WWTR1: variants seen among roughly 807,000 people sequenced by gnomAD.
The protein encoded by WWTR1 is WW domain containing transcription regulator 1, also known as WW domain-containing transcription regulator protein 1.
A neutral mutation model predicts 40.1 loss-of-function variants in WWTR1; 13 were observed. That is an observed-to-expected ratio of 0.32 (90% CI 0.21 to 0.52). The LOEUF (loss-of-function observed/expected upper bound fraction) is 0.52. WWTR1 is among the 20% of genes least tolerant of loss of function. WWTR1 has a pLI of 0.97. For synonymous variants in WWTR1, 230 were observed against 210.1 expected (o/e 1.09, Z -0.82); for missense variants, 436 against 523.1 (o/e 0.83, Z 1.63).
At chr3:149,715,933 T>A (rs1715598491) in intron 5 of WWTR1, among the ~76,000 whole-genome samples, 1 of 151,922 alleles carries the variant, frequency 6.6e-6, no homozygotes, top group Admixed American at 6.6e-5. Flanking sequence ...GGGGTGGGGG[T>A]TAACTAGGGA....
chr3:149,701,595 TA>T (rs1482440354), intron 1 of WWTR1: 2 of 178,454 alleles, frequency 1.1e-5, no homozygotes, highest in African/African-American at 4.7e-5. Context: ...CATGATAAAA[TA>T]TTTTTTTCAA....
intron 1 of WWTR1, among the ~76,000 whole-genome samples, chr3:149,689,380 C>CA (rs3044083): frequency 0.21 from 7,651 of 36,820 alleles, 1,408 homozygotes; most frequent in East Asian, 0.29. Context: ...GAACCTATCT[C>CA]AAAAAAAAAA....
intron 3 of WWTR1, among the ~76,000 whole-genome samples, chr3:149,566,709 G>A (rs529445726): frequency 6.6e-6 from 1 of 151,798 alleles, no homozygotes; most frequent in Non-Finnish European, 1.5e-5. Flanking sequence ...TTGATACAAT[G>A]CTAAGCCTCT....
rs1487908241 is a variant in WWTR1, at chr3:149,518,281, G to C, written c.*2524C>G. Reference sequence around the variant, plus strand: ...ATTTTCTGATGCCACAAGCTTACTAGAAAATTACTTCTAAAAATTGGTAAT... The same window carrying C: ...ATTTTCTGATGCCACAAGCTTACTACAAAATTACTTCTAAAAATTGGTAAT... On this transcript the variant is annotated 3_prime_UTR_variant, in exon 7 of 7. Coordinates refer to ENST00000360632, the MANE Select transcript of WWTR1 (RefSeq NM_015472.6). The C allele has an allele frequency of 6.6e-6, 1 of 151,766 alleles. No homozygotes were observed. Among genetic ancestry groups the C allele is most frequent in the East Asian group, 1.9e-4 (1 of 5,180 alleles). The allele number at this position is 151,766 out of a possible 1,614,324, so 9.4% of individuals were successfully genotyped here.
upstream of WWTR1, among the ~76,000 whole-genome samples, chr3:149,703,860 C>T (rs1397182983): frequency 6.6e-6 from 1 of 152,202 alleles, no homozygotes; most frequent in African/African-American, 2.4e-5. Flanking sequence ...TCCTGAGTCC[C>T]CATCAGAAGC....
intron 1 of WWTR1, among the ~76,000 whole-genome samples, chr3:149,689,402 G>T (rs1389242502): frequency 1.4e-5 from 1 of 70,538 alleles, no homozygotes; most frequent in Admixed American, 1.5e-4. Flanking sequence ...AAAAAAAAAA[G>T]CAAAGAAGAC....
At chr3:149,621,700 A>G (rs1318029235) in intron 2 of WWTR1, among the ~76,000 whole-genome samples, 1 of 152,244 alleles carries the variant, frequency 6.6e-6, no homozygotes, top group East Asian at 1.9e-4. Flanking sequence ...GTCTATGCCC[A>G]GTTATATTAC....
intron 2 of WWTR1, among the ~76,000 whole-genome samples, chr3:149,600,917 C>T (rs540811645): frequency 4.6e-5 from 7 of 152,288 alleles, no homozygotes; most frequent in Admixed American, 4.6e-4. Flanking sequence ...TCAACACCAA[C>T]TTGCTAGTCA....
At chr3:149,714,934 G>A (rs1715567406) in intron 5 of WWTR1, among the ~76,000 whole-genome samples, 2 of 152,156 alleles carry the variant, frequency 1.3e-5, no homozygotes, top group African/African-American at 2.4e-5. Context: ...ATGACCAGCT[G>A]CAGAGAGGAG....
At chr3:149,698,269 T>C (rs1715055978) in intron 1 of WWTR1, among the ~76,000 whole-genome samples, 1 of 152,176 alleles carries the variant, frequency 6.6e-6, no homozygotes, top group Admixed American at 6.5e-5. Context: ...CCCCCCATAC[T>C]GTTCTCGTGA....
At chr3:149,550,511 T>C (rs1294713721) in intron 3 of WWTR1, among the ~76,000 whole-genome samples, 1 of 152,196 alleles carries the variant, frequency 6.6e-6, no homozygotes, top group Non-Finnish European at 1.5e-5. Flanking sequence ...ACTCAGTGGA[T>C]GTCTTGGCAG....
chr3:149,628,561 G>A lies in WWTR1; in HGVS notation c.431+28315C>T, dbSNP rs114688351. ...TTCTTGCCCCAGCAGTATCTTTTTC[G>A]GTATCGTGGAGCACATATATCCTTG... On this transcript the variant is annotated intron_variant, in intron 2 of 6. Coordinates refer to ENST00000360632, the MANE Select transcript of WWTR1 (RefSeq NM_015472.6). Among the ~76,000 whole-genome samples, 775 of 152,068 alleles carry A rather than the reference G, an allele frequency of 5.1e-3. 4 individuals carry two copies. Among genetic ancestry groups the A allele is most frequent in the Non-Finnish European group, 5.3e-3 (359 of 67,976 alleles).
At chr3:149,723,792 C>A (rs1180695913) in intron 4 of WWTR1, among the ~76,000 whole-genome samples, 1 of 152,208 alleles carries the variant, frequency 6.6e-6, no homozygotes, top group Non-Finnish European at 1.5e-5. Context: ...TAAAGTGCAA[C>A]AACAAAACCT....
At chr3:149,602,025 T>G (rs1739269300) in intron 2 of WWTR1, among the ~76,000 whole-genome samples, 1 of 152,188 alleles carries the variant, frequency 6.6e-6, no homozygotes, top group South Asian at 2.1e-4. Context: ...TAAACTCCTT[T>G]TGAGCCTGGA....
At chr3:149,688,052 A>G (rs1022323778) in intron 1 of WWTR1, among the ~76,000 whole-genome samples, 1 of 151,812 alleles carries the variant, frequency 6.6e-6, no homozygotes, top group African/African-American at 2.4e-5. Flanking sequence ...GCTTGAGGAA[A>G]GGAGAGGGAA....
At chr3:149,606,859 C>T (rs1739513445) in intron 2 of WWTR1, among the ~76,000 whole-genome samples, 1 of 152,134 alleles carries the variant, frequency 6.6e-6, no homozygotes. Context: ...TTCCAAAGGG[C>T]GGCAAATGTG....
Position 149,617,305 on chromosome 3 carries a change from G to A in WWTR1, c.431+39571C>T, listed in dbSNP as rs16862044. On this transcript the variant is annotated intron_variant, in intron 2 of 6. Transcript: ENST00000360632. ...ATTGGATTGGAGCAGTGTGCAATCCGTCTTCTCTTTCCTTCTGTCCCCATC... is the reference window on the plus strand; with the variant it reads ...ATTGGATTGGAGCAGTGTGCAATCCATCTTCTCTTTCCTTCTGTCCCCATC... Among the ~76,000 whole-genome samples, 526 of 152,238 alleles carry A rather than the reference G, an allele frequency of 3.5e-3. 3 individuals are homozygous for A. The highest frequency in any genetic ancestry group is 0.012 in the African/African-American group (496 of 41,530).
intron 2 of WWTR1, among the ~76,000 whole-genome samples, chr3:149,644,369 A>C (rs1712363353): frequency 6.6e-6 from 1 of 152,210 alleles, no homozygotes; most frequent in African/African-American, 2.4e-5. Flanking sequence ...AGAATATTCC[A>C]GTCACTACCT....
At chr3:149,585,673 A>G (rs1476705923) in intron 2 of WWTR1, among the ~76,000 whole-genome samples, 3 of 152,218 alleles carry the variant, frequency 2.0e-5, no homozygotes, top group Non-Finnish European at 4.4e-5. Flanking sequence ...GGTAATGAGC[A>G]TCTCATGTCA....
Sources: gnomAD v4.1 joint callset for allele counts (sites outside exome capture counted in the v4.1 genomes callset) on GRCh38, gnomAD v4.1.1 for gene constraint, MANE v1.5 for transcripts, NCBI Gene and HGNC (gene_info 2026-07-23, HGNC 2026-07-21) for gene names.